The following BAHCC1 variants were observed in gnomAD, a reference collection of about 807,000 sequenced individuals.
BAHCC1 encodes BAH domain and coiled-coil containing 1.
BAHCC1 carries 43 observed loss-of-function variants against 88.2 expected under a neutral mutation model. That is an observed-to-expected ratio of 0.49 (90% CI 0.38 to 0.63). The LOEUF (loss-of-function observed/expected upper bound fraction) is 0.63, where lower values mean the gene tolerates loss of function less well. Among genes scored for constraint, BAHCC1 ranks in the 20% least tolerant of loss-of-function variants. BAHCC1 has a pLI of 0.00. For missense variants in BAHCC1, 3,023 were observed against 1,654.8 expected (o/e 1.83, Z -14.34); for synonymous variants, 1,510 against 745.5 (o/e 2.03, Z -16.71).
chr17:81,446,346 C>T (rs1555654310), intron 10 of BAHCC1, among the ~76,000 whole-genome samples: 2 of 149,746 alleles, frequency 1.3e-5, no homozygotes, highest in Non-Finnish European at 3.0e-5. Context: ...TGTTCTGGTT[C>T]AGGGAAAACC....
At chr17:81,400,210 C>T (rs2063796966) in intron 2 of BAHCC1, among the ~76,000 whole-genome samples, 1 of 152,204 alleles carries the variant, frequency 6.6e-6, no homozygotes, top group South Asian at 2.1e-4. Context: ...CCGCCCCCTC[C>T]TGCAGATCTA....
chr17:81,417,012 C>G (rs2064040991), intron 2 of BAHCC1, among the ~76,000 whole-genome samples: 1 of 152,174 alleles, frequency 6.6e-6, no homozygotes, highest in Non-Finnish European at 1.5e-5. Context: ...CACAGCTAGA[C>G]TGGACATGTC....
At chr17:81,446,741 C>A in intron 10 of BAHCC1, 1 of 567,740 alleles carries the variant, frequency 1.8e-6, no homozygotes. Flanking sequence ...TTTGTAGTGG[C>A]ACGTGCTCAC....
chr17:81,461,160 C>T lies in BAHCC1; in HGVS notation c.6497C>T (p.Ala2166Val), dbSNP rs782243484. The T allele has an allele frequency of 2.8e-5, 21 of 756,966 alleles. No individual in the cohort carries two copies. Among genetic ancestry groups the T allele is most frequent in the African/African-American group, 1.2e-4 (7 of 58,944 alleles). The allele number at this position is 756,966 out of a possible 1,614,324, so 46.9% of individuals were successfully genotyped here. Residue 2166 changes from alanine (A) to valine (V), a missense_variant, in exon 26 of 28, where the codon GCG becomes GTG. Transcript: ENST00000675386. The part of the protein sequence containing the change: ...DSFSSLASSY[A>V]PFVGGTGPGL... ...TTCAGCAGCCTGGCCAGCTCCTACG[C>T]GCCCTTCGTCGGGGGGACCGGGCCG...
In BAHCC1 at chr17:81,457,456, G is replaced by A. The variant is rs1194781092; in HGVS notation, c.4905G>A (p.Glu1635=). 2.6e-6 allele frequency: 2 copies of A among 772,426 alleles called. No individual in the cohort carries two copies. The highest frequency in any genetic ancestry group is 2.4e-6 in the Non-Finnish European group (1 of 414,880). 47.8% of individuals were successfully genotyped at this position (772,426 alleles called of 1,614,324 possible). A position where few individuals can be genotyped will look rare whatever the true frequency, so the allele number is the denominator to read the frequency against. ...SEDCEGLLGT[E]APPREAGLLL... Reference sequence around the variant, plus strand: ...ACTGCGAGGGTCTCCTGGGGACAGAGGCACCACCCAGGGAAGCAGGGCTGC... The same window carrying A: ...ACTGCGAGGGTCTCCTGGGGACAGAAGCACCACCCAGGGAAGCAGGGCTGC... Residue 1635 remains glutamate, a synonymous_variant, in exon 17 of 28, where the codon GAG becomes GAA. Coordinates refer to ENST00000675386, the MANE Select transcript of BAHCC1 (RefSeq NM_001377448.1).
chr17:81,458,019 CA>C, intron 17 of BAHCC1, 145 bp from the exon 18 acceptor site: 1 of 569,422 alleles, frequency 1.8e-6, no homozygotes, highest in Non-Finnish European at 3.1e-6. Flanking sequence ...GCTGGGTAAC[CA>C]GGAGGGGGAG....
At chr17:81,417,441 G>C (rs1381137994) in intron 2 of BAHCC1, among the ~76,000 whole-genome samples, 1 of 152,108 alleles carries the variant, frequency 6.6e-6, no homozygotes, top group African/African-American at 2.4e-5. Context: ...GAGAAGCAGA[G>C]AGGGAGCCTG....
chr17:81,413,890 C>A (rs563894105), intron 2 of BAHCC1, among the ~76,000 whole-genome samples: 1 of 152,120 alleles, frequency 6.6e-6, no homozygotes, highest in Non-Finnish European at 1.5e-5. Flanking sequence ...CTTTCTCCTT[C>A]CGTTTCTGCA....
intron 2 of BAHCC1, chr17:81,402,472 C>A (rs1054427581): frequency 6.6e-6 from 1 of 152,098 alleles, no homozygotes; most frequent in Non-Finnish European, 1.5e-5. Context: ...AATTTTTTTG[C>A]GTCTTGTGTG....
chr17:81,423,621 C>G (rs551158150), intron 2 of BAHCC1, among the ~76,000 whole-genome samples: 1 of 152,214 alleles, frequency 6.6e-6, no homozygotes, highest in African/African-American at 2.4e-5. Context: ...GGGATGGAGA[C>G]GACAAGGTGC....
intron 2 of BAHCC1, among the ~76,000 whole-genome samples, chr17:81,423,733 C>T (rs1261514029): frequency 1.3e-5 from 2 of 152,208 alleles, no homozygotes; most frequent in Non-Finnish European, 2.9e-5. Flanking sequence ...CTGTGTCCTC[C>T]GTGTGCAGGA....
intron 2 of BAHCC1, among the ~76,000 whole-genome samples, chr17:81,414,063 ACT>A (rs1463759225): frequency 1.3e-5 from 2 of 151,568 alleles, no homozygotes; most frequent in African/African-American, 2.4e-5. Context: ...GTGTCTCTAG[ACT>A]CTCCTCTGAA....
intron 2 of BAHCC1, chr17:81,402,379 G>C (rs2063828269): frequency 6.6e-6 from 1 of 152,200 alleles, no homozygotes; most frequent in South Asian, 2.1e-4. Flanking sequence ...TTTAAAAAAA[G>C]AATTATACCC....
At chr17:81,430,828 C>T (rs1364483713) in intron 3 of BAHCC1, among the ~76,000 whole-genome samples, 3 of 152,128 alleles carry the variant, frequency 2.0e-5, no homozygotes, top group Non-Finnish European at 2.9e-5. Flanking sequence ...CCCACAGGCC[C>T]GCTGACCACC....
intron 2 of BAHCC1, chr17:81,415,507 A>G (rs782465263): frequency 7.8e-6 from 4 of 512,184 alleles, no homozygotes; most frequent in Non-Finnish European, 1.6e-5. Flanking sequence ...CTGGGAAATA[A>G]CAGAAAATGG....
intron 1 of BAHCC1, 193 bp downstream of exon 1, chr17:81,395,828 A>AT (rs1388603795): frequency 6.6e-6 from 1 of 151,446 alleles, no homozygotes; most frequent in Non-Finnish European, 1.5e-5. Context: ...CTTAAAAAAT[A>AT]TGGACTATGA....
intron 3 of BAHCC1, among the ~76,000 whole-genome samples, chr17:81,433,066 T>C (rs1303260420): frequency 6.6e-6 from 1 of 150,956 alleles, no homozygotes; most frequent in Non-Finnish European, 1.5e-5. Flanking sequence ...CAGATGGAGC[T>C]GGCCCGGCCC....
chr17:81,452,489 G>A (rs1555656098), intron 13 of BAHCC1, among the ~76,000 whole-genome samples: 1 of 151,746 alleles, frequency 6.6e-6, no homozygotes, highest in African/African-American at 2.4e-5. Context: ...CCCCGCAGTT[G>A]CAACAAGGGC....
intron 3 of BAHCC1, among the ~76,000 whole-genome samples, chr17:81,428,987 G>A (rs1399118472): frequency 6.6e-6 from 1 of 152,238 alleles, no homozygotes; most frequent in African/African-American, 2.4e-5. Flanking sequence ...CCTCCAGGCG[G>A]GGGTGGCCTG....
Sources: gnomAD v4.1 joint callset for allele counts (sites outside exome capture counted in the v4.1 genomes callset) on GRCh38, gnomAD v4.1.1 for gene constraint, MANE v1.5 for transcripts, NCBI Gene and HGNC (gene_info 2026-07-23, HGNC 2026-07-21) for gene names.